The following ARMC2 variants were observed in gnomAD, a reference collection of about 807,000 sequenced individuals.
ARMC2 encodes armadillo repeat-containing protein 2.
In ARMC2, 67 loss-of-function variants were observed where a neutral mutation model predicts 90.3. The ratio of observed to expected loss-of-function variants is 0.74; its 90% confidence interval spans 0.61 to 0.91. ARMC2 has a LOEUF of 0.91. Ranked by LOEUF, ARMC2 falls within the 40% of genes least tolerant of loss-of-function variation. The probability of loss-of-function intolerance (pLI) is 0.00; values close to 1 mark genes in which losing one functional copy is unlikely to be tolerated. For missense variants in ARMC2, 920 were observed against 1,030.9 expected (o/e 0.89, Z 1.47); for synonymous variants, 393 against 393.0 (o/e 1.00, Z 0.00).
intron 12 of ARMC2, among the ~76,000 whole-genome samples, chr6:108,941,721 T>C (rs1364210410): frequency 6.6e-6 from 1 of 152,226 alleles, no homozygotes; most frequent in African/African-American, 2.4e-5. Flanking sequence ...TCAGTTGTGC[T>C]TGGAACAAAG....
chr6:109,002,530 A>C, the ARMC2 span, among the ~76,000 whole-genome samples: 1 of 152,186 alleles, frequency 6.6e-6, no homozygotes, highest in African/African-American at 2.4e-5. Flanking sequence ...CTTATAATAC[A>C]ACTCTGATTA....
rs752278213 is a variant in ARMC2 at position 108,858,308 on chromosome 6, T to C, written c.291+37T>C. 2.6e-6 allele frequency: 4 copies of C among 1,522,246 alleles called. No homozygotes were observed. The South Asian group carries it at 3.5e-5, about 13-fold the overall frequency. The allele number at this position is 1,522,246 out of a possible 1,614,324, so 94.3% of individuals were successfully genotyped here. A position where few individuals can be genotyped will look rare whatever the true frequency, so the allele number is the denominator to read the frequency against. On this transcript the variant is annotated intron_variant, in intron 3 of 17. Coordinates refer to ENST00000392644, the MANE Select transcript of ARMC2 (RefSeq NM_032131.6). ...GTATAACCACCAGTAATTTATATTA[T>C]GTTGTGAAATGAAATTGGCCAAAAA...
rs189427580 is a variant in ARMC2 at position 108,965,367 on chromosome 6, A to G, written c.2446+227A>G. On this transcript the variant is annotated intron_variant, in intron 17 of 17. Transcript: ENST00000392644. The stretch of plus-strand genomic sequence containing the variant: ...ATTAGATACATTCATGATTTCTTCT[A>G]TGGCTTTTTTTTTTTTTTTTTGCAT... 6.1e-4 allele frequency among the ~76,000 whole-genome samples: 71 copies of G among 115,834 alleles called. 1 individual carries two copies. Among genetic ancestry groups the G allele is most frequent in the African/African-American group, 1.9e-3 (68 of 35,354 alleles). 76.0% of individuals were successfully genotyped at this position (115,834 alleles called of 152,430 possible).
the ARMC2 span, among the ~76,000 whole-genome samples, chr6:109,016,461 G>T: frequency 6.6e-6 from 1 of 152,072 alleles, no homozygotes; most frequent in Non-Finnish European, 1.5e-5. Context: ...TTCTTCAGAG[G>T]TCTCTTGCTT....
chr6:109,017,977 G>C, the ARMC2 span, among the ~76,000 whole-genome samples: 1 of 152,172 alleles, frequency 6.6e-6, no homozygotes, highest in African/African-American at 2.4e-5. Context: ...GACTAGCCTG[G>C]GCAACATGGC....
chr6:108,978,234 T>C (rs1779023156), downstream of ARMC2, among the ~76,000 whole-genome samples: 1 of 152,206 alleles, frequency 6.6e-6, no homozygotes, highest in African/African-American at 2.4e-5. Flanking sequence ...ATGTCTTTAT[T>C]TCTGCCTTCA....
chr6:108,930,813 T>C (rs932113524), intron 11 of ARMC2, among the ~76,000 whole-genome samples: 3 of 151,890 alleles, frequency 2.0e-5, no homozygotes, highest in Non-Finnish European at 2.9e-5. Context: ...GCCAGGATGG[T>C]CTCGATATCC....
At chr6:108,894,396 CAG>C in intron 5 of ARMC2, 69 bp from the exon 6 acceptor site, 1 of 1,307,948 alleles carries the variant, frequency 7.6e-7, no homozygotes, top group Non-Finnish European at 1.1e-6. Context: ...CTGTATATAG[CAG>C]ACTCTTGTCA....
At chr6:109,007,627 A>G in the ARMC2 span, among the ~76,000 whole-genome samples, 1 of 148,606 alleles carries the variant, frequency 6.7e-6, no homozygotes, top group Admixed American at 6.7e-5. Context: ...GATTGCCTAT[A>G]GCTGGGTGCT....
chr6:108,853,440 G>A lies in ARMC2; in HGVS notation c.-43-785G>A, dbSNP rs530442866. 4.6e-5 allele frequency among the ~76,000 whole-genome samples: 7 copies of A among 152,228 alleles called. No individual in the cohort carries two copies. The South Asian group carries it at 1.5e-3, about 32-fold the overall frequency. ...AGCTGAAATAGGTGAAAAATTCATA[G>A]ATCTCTGTCTCTTTAGAGATATGAC... On this transcript the variant is annotated intron_variant, in intron 1 of 17. Transcript: ENST00000392644.
At chr6:108,937,699 A>AT (rs1387510147) in intron 12 of ARMC2, among the ~76,000 whole-genome samples, 5 of 151,940 alleles carry the variant, frequency 3.3e-5, no homozygotes, top group Admixed American at 3.3e-4. Context: ...TTTTATTTTT[A>AT]TTTTTTTATT....
the ARMC2 span, among the ~76,000 whole-genome samples, chr6:108,985,730 C>T: frequency 1.3e-5 from 2 of 152,090 alleles, no homozygotes; most frequent in Non-Finnish European, 2.9e-5. Flanking sequence ...GAACAAAGAG[C>T]AGAAATGGGA....
downstream of ARMC2, among the ~76,000 whole-genome samples, chr6:108,977,071 G>A (rs1347631633): frequency 1.3e-5 from 2 of 152,128 alleles, no homozygotes; most frequent in Non-Finnish European, 2.9e-5. Flanking sequence ...GGACATCCTT[G>A]TCTTGTGCTG....
chr6:108,851,340 C>T (rs1404718253), intron 1 of ARMC2, among the ~76,000 whole-genome samples: 1 of 152,178 alleles, frequency 6.6e-6, no homozygotes, highest in African/African-American at 2.4e-5. Context: ...GATGTCTTCC[C>T]CCAATCAGAA....
chr6:108,953,116 A>G lies in ARMC2; in HGVS notation c.1680A>G (p.Lys560=), dbSNP rs780130303. ...CTCGTGAACAATTTTCCAAAGAGAA[A>G]GGGAGCATCCAAACTCTGCTGTCAT... The part of the protein sequence containing the change: ...NQAREQFSKE[K]GSIQTLLSLF... Residue 560 remains lysine (K), a synonymous_variant, in exon 13 of 18, where the codon AAA becomes AAG. Transcript: ENST00000392644. 1 of 1,613,878 alleles carries G rather than the reference A, an allele frequency of 6.2e-7. No homozygotes were observed. Among genetic ancestry groups the G allele is most frequent in the African/African-American group, 1.3e-5 (1 of 74,932 alleles).
In ARMC2 at chr6:108,908,742, C is replaced by A. The variant is rs546458099; in HGVS notation, c.1024-2157C>A. On this transcript the variant is annotated intron_variant, in intron 8 of 17. Transcript: ENST00000392644. ...CTCCAGCCTGGGTGAAAGAGCAAGA[C>A]CCTGTCTCTGAAAAAAAAGAAAAGA... 3.3e-5 allele frequency among the ~76,000 whole-genome samples: 5 copies of A among 151,952 alleles called. No homozygotes were observed. The East Asian group carries it at 9.7e-4, about 29-fold the overall frequency.
the ARMC2 span, among the ~76,000 whole-genome samples, chr6:108,989,539 A>C: frequency 2.2e-4 from 23 of 104,280 alleles, no homozygotes; most frequent in African/African-American, 3.1e-4. Context: ...ATAGAGATAG[A>C]GATATCTCTA....
chr6:109,008,351 A>T, the ARMC2 span, among the ~76,000 whole-genome samples: 1 of 152,224 alleles, frequency 6.6e-6, no homozygotes, highest in African/African-American at 2.4e-5. Context: ...TTTTTGGTAA[A>T]GTTTCCAAAG....
At chr6:108,984,249 A>G in the ARMC2 span, among the ~76,000 whole-genome samples, 2 of 152,220 alleles carry the variant, frequency 1.3e-5, no homozygotes, top group Non-Finnish European at 2.9e-5. Context: ...TTAGTTTTCA[A>G]TGTGTAAGTC....
Sources: allele counts gnomAD v4.1 joint callset (sites outside exome capture counted in the v4.1 genomes callset), GRCh38; gene constraint gnomAD v4.1.1; transcripts MANE v1.5; gene names NCBI Gene and HGNC (gene_info 2026-07-23, HGNC 2026-07-21).